The following RAB30 variants were observed in gnomAD, a reference collection of about 807,000 sequenced individuals.
The protein encoded by RAB30 is ras-related protein Rab-30.
Under a neutral mutation model 25.1 loss-of-function variants are expected in RAB30, and 9 were observed. The observed-to-expected ratio is 0.36, with a 90% confidence interval of 0.22 to 0.63. RAB30 has a LOEUF of 0.63. Among genes scored for constraint, RAB30 ranks in the 20% least tolerant of loss-of-function variants. RAB30 has a pLI of 0.69. For missense variants in RAB30, 140 were observed against 243.5 expected (o/e 0.58, Z 2.83); for synonymous variants, 77 against 86.4 (o/e 0.89, Z 0.60).
chr11:82,983,618 G>A (rs1421501186), intron 4 of RAB30, among the ~76,000 whole-genome samples: 1 of 151,020 alleles, frequency 6.6e-6, no homozygotes, highest in Non-Finnish European at 1.5e-5. Flanking sequence ...TTTATTTTTT[G>A]CAGAGACAGA....
chr11:83,039,425 T>A (rs1350061326), intron 1 of RAB30, among the ~76,000 whole-genome samples: 1 of 152,200 alleles, frequency 6.6e-6, no homozygotes, highest in Non-Finnish European at 1.5e-5. Flanking sequence ...CTGACTATAG[T>A]CCCAGCACAT....
chr11:83,060,343 A>T (rs1858543782), intron 1 of RAB30, among the ~76,000 whole-genome samples: 1 of 152,230 alleles, frequency 6.6e-6, no homozygotes, highest in Non-Finnish European at 1.5e-5. Context: ...TTATCGATAG[A>T]TGTTAAAACT....
At chr11:83,024,009 T>G (rs538609062) in intron 1 of RAB30, among the ~76,000 whole-genome samples, 1 of 152,142 alleles carries the variant, frequency 6.6e-6, no homozygotes, top group Non-Finnish European at 1.5e-5. Flanking sequence ...TGCTCACAAT[T>G]ATTTACTTAT....
chr11:83,048,464 G>C (rs1301711847), intron 1 of RAB30, among the ~76,000 whole-genome samples: 3 of 135,956 alleles, frequency 2.2e-5, no homozygotes, highest in African/African-American at 9.9e-5. Flanking sequence ...GTGAGACACT[G>C]TCTCAAAAAA....
chr11:83,012,938 A>G (rs1015442428), intron 1 of RAB30, among the ~76,000 whole-genome samples: 1 of 152,000 alleles, frequency 6.6e-6, no homozygotes, highest in African/African-American at 2.4e-5. Context: ...CACAGGGCTC[A>G]TCTCTCTTTA....
chr11:83,032,700 C>T (rs978507388), intron 1 of RAB30, among the ~76,000 whole-genome samples: 37 of 151,968 alleles, frequency 2.4e-4, no homozygotes, highest in Admixed American at 2.3e-3. Context: ...TTGTATGTTT[C>T]GCATTAATTA....
intron 1 of RAB30, among the ~76,000 whole-genome samples, chr11:83,029,281 T>C (rs1185427162): frequency 6.6e-6 from 1 of 152,246 alleles, no homozygotes; most frequent in South Asian, 2.1e-4. Flanking sequence ...TTTTCAAATA[T>C]ACATAAAAGC....
intron 1 of RAB30, among the ~76,000 whole-genome samples, chr11:82,999,780 A>G (rs1260995326): frequency 2.0e-5 from 3 of 151,640 alleles, no homozygotes; most frequent in African/African-American, 7.3e-5. Context: ...CTTCAACATG[A>G]CTTCCTCCAG....
intron 1 of RAB30, among the ~76,000 whole-genome samples, chr11:83,035,848 C>T (rs746978476): frequency 3.9e-5 from 6 of 152,136 alleles, no homozygotes; most frequent in Non-Finnish European, 8.8e-5. Context: ...GTGTTACTTG[C>T]GGGAAGTCAC....
chr11:83,062,699 A>C (rs1300455510), intron 1 of RAB30, among the ~76,000 whole-genome samples: 1 of 152,172 alleles, frequency 6.6e-6, no homozygotes, highest in Non-Finnish European at 1.5e-5. Flanking sequence ...CCCATTTTAT[A>C]GATAAAGAAA....
rs1324297934 is a variant in RAB30 at position 82,975,674 on chromosome 11, C to T, written c.*6491G>A. 3 of 152,004 alleles carry T rather than the reference C, an allele frequency of 2.0e-5. No homozygotes were observed. The highest frequency in any genetic ancestry group is 2.0e-4 in the Admixed American group (3 of 15,262). 9.4% of individuals were successfully genotyped at this position (152,004 alleles called of 1,614,324 possible). A position where few individuals can be genotyped will look rare whatever the true frequency, so the allele number is the denominator to read the frequency against. On this transcript the variant is annotated 3_prime_UTR_variant, in exon 5 of 5. Transcript: ENST00000527633. ...ATTCTTCAGAAGCACACTTTGTTAT[C>T]AATTATGTAACTAAAGAATCAAAGT...
chr11:83,053,142 A>G (rs190001664), intron 1 of RAB30, among the ~76,000 whole-genome samples: 103 of 152,246 alleles, frequency 6.8e-4, no homozygotes, highest in Middle Eastern at 6.8e-3. Flanking sequence ...TGGTTCCTCC[A>G]GAAATAGAAA....
At chr11:83,051,467 C>A (rs1279867539) in intron 1 of RAB30, among the ~76,000 whole-genome samples, 1 of 152,096 alleles carries the variant, frequency 6.6e-6, no homozygotes, top group African/African-American at 2.4e-5. Context: ...TGCTTCCGTC[C>A]ATAACTTAAA....
At chr11:83,068,166 CG>C (rs1398282813) in intron 1 of RAB30, among the ~76,000 whole-genome samples, 1 of 150,604 alleles carries the variant, frequency 6.6e-6, no homozygotes, top group Non-Finnish European at 1.5e-5. Context: ...AGCATGGTGG[CG>C]GGCACCTGTA....
chr11:83,043,283 T>C (rs574468193), intron 1 of RAB30, among the ~76,000 whole-genome samples: 32 of 152,248 alleles, frequency 2.1e-4, no homozygotes, highest in African/African-American at 5.5e-4. Context: ...CCATCCAAAC[T>C]GAGGCCGACT....
At chr11:83,038,983 G>T (rs1434897485) in intron 1 of RAB30, 1 of 151,960 alleles carries the variant, frequency 6.6e-6, no homozygotes, top group East Asian at 1.9e-4. Flanking sequence ...GTAAAAATCA[G>T]AAAATTGATT....
Position 82,984,581 on chromosome 11 carries a change from G to A in RAB30, c.362-2166C>T, listed in dbSNP as rs994793945. Among the ~76,000 whole-genome samples, 8 of 152,032 alleles carry A rather than the reference G, an allele frequency of 5.3e-5. No homozygotes were observed. The South Asian group carries it at 1.5e-3, about 28-fold the overall frequency. ...GTGGTCTACGGTAGTCTTGTGAGTCGGAACGCTAGCAGAACCTAATAGGAA... is the reference window on the plus strand; with the variant it reads ...GTGGTCTACGGTAGTCTTGTGAGTCAGAACGCTAGCAGAACCTAATAGGAA... On this transcript the variant is annotated intron_variant, in intron 4 of 4. Coordinates refer to ENST00000527633, the MANE Select transcript of RAB30 (RefSeq NM_001286060.2).
At chr11:83,032,701 G>A (rs1031049190) in intron 1 of RAB30, among the ~76,000 whole-genome samples, 5 of 152,000 alleles carry the variant, frequency 3.3e-5, no homozygotes, top group Admixed American at 2.0e-4. Context: ...TGTATGTTTC[G>A]CATTAATTAT....
At chr11:83,064,650 T>G (rs899277929) in intron 1 of RAB30, among the ~76,000 whole-genome samples, 3 of 152,206 alleles carry the variant, frequency 2.0e-5, no homozygotes, top group Admixed American at 2.0e-4. Flanking sequence ...ATTAAATACT[T>G]GAAATGACCA....
Sources: allele counts gnomAD v4.1 joint callset (sites outside exome capture counted in the v4.1 genomes callset), GRCh38; gene constraint gnomAD v4.1.1; transcripts MANE v1.5; gene names NCBI Gene and HGNC (gene_info 2026-07-23, HGNC 2026-07-21).